The following GRM7 variants were observed in gnomAD, a reference collection of about 807,000 sequenced individuals.
The protein encoded by GRM7 is metabotropic glutamate receptor 7.
A neutral mutation model predicts 84.5 loss-of-function variants in GRM7; 35 were observed. That is an observed-to-expected ratio of 0.41 (90% CI 0.32 to 0.55). The LOEUF is 0.55. GRM7 is among the 20% of genes least tolerant of loss of function. The pLI is 0.19. For synonymous variants in GRM7, 487 were observed against 455.1 expected (o/e 1.07, Z -0.89); for missense variants, 1,003 against 1,194.6 (o/e 0.84, Z 2.36).
At chr3:7,197,865 G>A (rs1281279861) in intron 2 of GRM7, among the ~76,000 whole-genome samples, 2 of 152,116 alleles carry the variant, frequency 1.3e-5, no homozygotes, top group East Asian at 3.9e-4. Flanking sequence ...ACAAAACATA[G>A]TACCTTGGGA....
intron 1 of GRM7, among the ~76,000 whole-genome samples, chr3:6,942,350 T>A (rs1247878900): frequency 6.6e-6 from 1 of 152,300 alleles, no homozygotes; most frequent in East Asian, 1.9e-4. Context: ...AATATAAGTT[T>A]TGACTTATGT....
intron 1 of GRM7, among the ~76,000 whole-genome samples, chr3:6,939,075 G>A (rs1305566165): frequency 6.6e-6 from 1 of 152,136 alleles, no homozygotes; most frequent in African/African-American, 2.4e-5. Flanking sequence ...TTCTGCACAA[G>A]TTATACAGGA....
At chr3:7,221,735 AGTTT>A (rs1481250021) in intron 2 of GRM7, among the ~76,000 whole-genome samples, 1 of 146,444 alleles carries the variant, frequency 6.8e-6, no homozygotes, top group East Asian at 2.0e-4. Context: ...TTTGCTATGT[AGTTT>A]GTTTTAGTTT....
rs934562628 is a variant in GRM7 at position 7,294,966 on chromosome 3, G to A, written c.737-3718G>A. Among the ~76,000 whole-genome samples, 5 of 152,012 alleles carry A rather than the reference G, an allele frequency of 3.3e-5. No homozygotes were observed. In the East Asian group the frequency reaches 7.7e-4, roughly 23 times the overall value. On this transcript the variant is annotated intron_variant, in intron 2 of 9. Coordinates refer to ENST00000357716, the MANE Select transcript of GRM7 (RefSeq NM_000844.4). Reference sequence around the variant, plus strand: ...AACCAAGTGTCTGGCTTGTGCTTTCGTTTTCTCAATGCTGTCTTTCACAGA... The same window carrying A: ...AACCAAGTGTCTGGCTTGTGCTTTCATTTTCTCAATGCTGTCTTTCACAGA...
intron 1 of GRM7, among the ~76,000 whole-genome samples, chr3:6,943,528 T>A (rs1697960748): frequency 6.6e-6 from 1 of 152,060 alleles, no homozygotes; most frequent in Non-Finnish European, 1.5e-5. Flanking sequence ...AATTTATAGA[T>A]TCTATTCTGC....
chr3:7,077,959 T>C (rs1035506025), intron 1 of GRM7, among the ~76,000 whole-genome samples: 1 of 151,230 alleles, frequency 6.6e-6, no homozygotes, highest in African/African-American at 2.4e-5. Flanking sequence ...ATAATAAATA[T>C]AGTAGGCTTT....
intron 9 of GRM7, among the ~76,000 whole-genome samples, chr3:7,686,879 C>A (rs1415265731): frequency 6.6e-6 from 1 of 152,058 alleles, no homozygotes; most frequent in Admixed American, 6.5e-5. Context: ...ATTGTTTGTT[C>A]TAATTTATTT....
intron 7 of GRM7, among the ~76,000 whole-genome samples, chr3:7,472,344 G>A (rs1232771958): frequency 6.6e-6 from 1 of 152,126 alleles, no homozygotes; most frequent in East Asian, 1.9e-4. Flanking sequence ...GGAATGTTAT[G>A]AATGTGTAAA....
At chr3:7,198,734 A>G (rs1695965636) in intron 2 of GRM7, among the ~76,000 whole-genome samples, 1 of 152,202 alleles carries the variant, frequency 6.6e-6, no homozygotes. Context: ...GAATTGTTAT[A>G]TGGGTACTTG....
At chr3:7,645,448 A>G (rs566310046) in intron 8 of GRM7, among the ~76,000 whole-genome samples, 76 of 149,998 alleles carry the variant, frequency 5.1e-4, no homozygotes, top group East Asian at 7.9e-4. Flanking sequence ...TCGGGAGGCT[A>G]AGGCATGAGA....
rs188599407 is a variant in GRM7 at position 7,464,864 on chromosome 3, C to T, written c.1515+3142C>T. ...AAAAAAAATTAACTGAGCATGGTGG[C>T]GCACACCTGTAATCCCAACTACTTG... On this transcript the variant is annotated intron_variant, in intron 7 of 9. Coordinates refer to ENST00000357716, the MANE Select transcript of GRM7 (RefSeq NM_000844.4). Among the ~76,000 whole-genome samples the T allele has an allele frequency of 3.3e-4, 49 of 150,048 alleles. No individual in the cohort carries two copies. In the East Asian group the frequency reaches 6.9e-3, roughly 21 times the overall value.
chr3:6,938,932 G>A (rs1371959972), intron 1 of GRM7, among the ~76,000 whole-genome samples: 1 of 152,158 alleles, frequency 6.6e-6, no homozygotes, highest in East Asian at 1.9e-4. Flanking sequence ...GGCACTTGCT[G>A]TTTATTTCTT....
Position 7,556,654 on chromosome 3 carries a change from C to T in GRM7, c.1516-21768C>T, listed in dbSNP as rs748541836. Among the ~76,000 whole-genome samples, 23 of 152,182 alleles carry T rather than the reference C, an allele frequency of 1.5e-4. 1 individual carries two copies. Among genetic ancestry groups the T allele is most frequent in the Non-Finnish European group, 5.9e-5 (4 of 68,020 alleles). The stretch of plus-strand genomic sequence containing the variant: ...GTCCCTGCCCTCACTGAACGTGGCA[C>T]TTAGCAAGGAGAATAGATGATAATC... On this transcript the variant is annotated intron_variant, in intron 7 of 9. Transcript: ENST00000357716.
At chr3:7,141,021 T>G (rs1693928521) in intron 1 of GRM7, among the ~76,000 whole-genome samples, 1 of 152,088 alleles carries the variant, frequency 6.6e-6, no homozygotes, top group Admixed American at 6.6e-5. Flanking sequence ...TTAATTTAAC[T>G]ATATATTTGT....
chr3:7,527,897 C>A (rs1288230567), intron 7 of GRM7, among the ~76,000 whole-genome samples: 1 of 152,002 alleles, frequency 6.6e-6, no homozygotes, highest in African/African-American at 2.4e-5. Context: ...GTTGAATTAA[C>A]TTTCTGATGT....
intron 8 of GRM7, among the ~76,000 whole-genome samples, chr3:7,657,233 G>A (rs956907114): frequency 5.9e-5 from 9 of 151,944 alleles, no homozygotes; most frequent in African/African-American, 2.2e-4. Flanking sequence ...TTCCCCAAGT[G>A]AGAAAAAAAT....
At chr3:7,500,739 T>C (rs927414455) in intron 7 of GRM7, among the ~76,000 whole-genome samples, 16 of 152,368 alleles carry the variant, frequency 1.1e-4, no homozygotes, top group African/African-American at 3.6e-4. Context: ...TGACTTCTTT[T>C]GGTCAGTGAA....
chr3:7,110,634 A>AT (rs1335096894), intron 1 of GRM7, among the ~76,000 whole-genome samples: 3 of 148,038 alleles, frequency 2.0e-5, no homozygotes, highest in Non-Finnish European at 4.4e-5. Context: ...TATATATATA[A>AT]TTTTTTGCTA....
chr3:7,685,206 G>T (rs1056313068), intron 9 of GRM7, among the ~76,000 whole-genome samples: 1 of 152,112 alleles, frequency 6.6e-6, no homozygotes, highest in African/African-American at 2.4e-5. Flanking sequence ...TGGGATGGGC[G>T]GATAAGAACT....
Sources: allele counts gnomAD v4.1 joint callset (sites outside exome capture counted in the v4.1 genomes callset), GRCh38; gene constraint gnomAD v4.1.1; transcripts MANE v1.5; gene names NCBI Gene and HGNC (gene_info 2026-07-23, HGNC 2026-07-21).